The following SRGAP1 variants were observed in gnomAD, a reference collection of about 807,000 sequenced individuals.
The protein encoded by SRGAP1 is SLIT-ROBO Rho GTPase-activating protein 1.
Under a neutral mutation model 121.9 loss-of-function variants are expected in SRGAP1, and 43 were observed. That is an observed-to-expected ratio of 0.35 (90% confidence interval 0.28 to 0.46). The LOEUF is 0.46. SRGAP1 is among the 20% of genes least tolerant of loss of function. The pLI is 1.00. For missense variants in SRGAP1, 1,102 were observed against 1,350.9 expected (o/e 0.82, Z 2.89); for synonymous variants, 447 against 485.4 (o/e 0.92, Z 1.04).
chr12:63,920,818 A>G (rs1214583910), intron 1 of SRGAP1, among the ~76,000 whole-genome samples: 1 of 152,222 alleles, frequency 6.6e-6, no homozygotes, highest in African/African-American at 2.4e-5. Context: ...TTGGGAGTGA[A>G]TAACAGAGAA....
chr12:64,003,068 G>GAGGA (rs1430886159), intron 3 of SRGAP1, among the ~76,000 whole-genome samples: 1 of 127,150 alleles, frequency 7.9e-6, no homozygotes, highest in Non-Finnish European at 1.7e-5. Context: ...GAAAGAAAGG[G>GAGGA]AGGGAGGGAG....
At position 63,893,108 on chromosome 12, in the gene SRGAP1, ATAGT is replaced by A. The variant is rs199550758; in HGVS notation, c.67+48229_67+48232del. The stretch of plus-strand genomic sequence containing the variant: ...TACATGAATCCAATCTTTTGCTGCT[ATAGT>A]TAGACGGTGATTATGCTGTTTTTCC... On this transcript the variant is annotated intron_variant, in intron 1 of 21. Coordinates refer to ENST00000355086, the MANE Select transcript of SRGAP1 (RefSeq NM_020762.4). Among the ~76,000 whole-genome samples the A allele has an allele frequency of 3.9e-5, 6 of 152,336 alleles. No individual in the cohort carries two copies. In the East Asian group the frequency reaches 9.6e-4, roughly 24 times the overall value.
At chr12:63,893,862 A>T (rs1311625946) in intron 1 of SRGAP1, among the ~76,000 whole-genome samples, 1 of 152,246 alleles carries the variant, frequency 6.6e-6, no homozygotes, top group East Asian at 1.9e-4. Context: ...TTTTTGAGAC[A>T]GAGTCTTGCT....
intron 1 of SRGAP1, among the ~76,000 whole-genome samples, chr12:63,969,799 GAAAA>G (rs899811117): frequency 7.9e-6 from 1 of 127,382 alleles, no homozygotes; most frequent in South Asian, 2.5e-4. Flanking sequence ...GTCTCAAAAA[GAAAA>G]AAAAAAAAAC....
intron 8 of SRGAP1, among the ~76,000 whole-genome samples, chr12:64,072,627 G>C (rs925235382): frequency 3.3e-5 from 5 of 152,092 alleles, no homozygotes; most frequent in African/African-American, 1.2e-4. Flanking sequence ...AGAGAGGCCT[G>C]GAACAGATCC....
intron 1 of SRGAP1, among the ~76,000 whole-genome samples, chr12:63,953,371 A>G (rs1224119235): frequency 6.7e-6 from 1 of 149,736 alleles, no homozygotes; most frequent in Non-Finnish European, 1.5e-5. Flanking sequence ...TCTCTTTTGC[A>G]CAGGTCTTCA....
chr12:64,116,846 G>A (rs1160241043), intron 18 of SRGAP1, among the ~76,000 whole-genome samples: 1 of 152,186 alleles, frequency 6.6e-6, no homozygotes. Flanking sequence ...CCAGAGAAGG[G>A]GGCATGCCAT....
At chr12:64,101,905 T>G (rs2036260922) in intron 15 of SRGAP1, among the ~76,000 whole-genome samples, 1 of 152,186 alleles carries the variant, frequency 6.6e-6, no homozygotes, top group Non-Finnish European at 1.5e-5. Context: ...AAGGGAGAAT[T>G]TTTCTTCCTA....
chr12:64,061,756 C>A (rs1316310381), intron 6 of SRGAP1, among the ~76,000 whole-genome samples: 4 of 152,192 alleles, frequency 2.6e-5, no homozygotes, highest in Non-Finnish European at 4.4e-5. Flanking sequence ...ATAGATTTAT[C>A]TCTTCTGAAC....
At chr12:63,921,758 T>A (rs2031055834) in intron 1 of SRGAP1, among the ~76,000 whole-genome samples, 1 of 152,220 alleles carries the variant, frequency 6.6e-6, no homozygotes, top group Non-Finnish European at 1.5e-5. Flanking sequence ...AGAGAACATT[T>A]AATGAAGATT....
chr12:64,033,584 G>A (rs2034831212), intron 4 of SRGAP1, among the ~76,000 whole-genome samples: 1 of 152,104 alleles, frequency 6.6e-6, no homozygotes, highest in Admixed American at 6.6e-5. Context: ...CCAGCATGGT[G>A]GCGAATGCCT....
intron 21 of SRGAP1, among the ~76,000 whole-genome samples, chr12:64,140,715 G>A (rs1347448754): frequency 3.1e-5 from 4 of 127,942 alleles, no homozygotes; most frequent in Non-Finnish European, 4.9e-5. Context: ...TCAGTGTGGC[G>A]ATTCCTCAGG....
chr12:64,051,295 G>A (rs573510132), intron 6 of SRGAP1, among the ~76,000 whole-genome samples: 1 of 152,244 alleles, frequency 6.6e-6, no homozygotes, highest in South Asian at 2.1e-4. Flanking sequence ...CTGTCTTTGG[G>A]TGATGTGACT....
rs1187699730 is a variant in SRGAP1 at position 63,949,084 on chromosome 12, TTTC to T, written c.68-34862_68-34860del. Among the ~76,000 whole-genome samples, 103 of 73,192 alleles carry T rather than the reference TTTC, an allele frequency of 1.4e-3. 3 individuals carry two copies. Among genetic ancestry groups the T allele is most frequent in the African/African-American group, 3.8e-3 (96 of 25,244 alleles). The allele number at this position is 73,192 out of a possible 152,430, so 48.0% of individuals were successfully genotyped here. ...ATATATGTATTTTCCATATATGTAT[TTTC>T]CATATATGTATTTTCCATATATATA... On this transcript the variant is annotated intron_variant, in intron 1 of 21. Transcript: ENST00000355086.
At chr12:63,971,912 GGGTAATGAGGCTATTCTCT>G (rs1263203664) in intron 1 of SRGAP1, among the ~76,000 whole-genome samples, 1 of 152,190 alleles carries the variant, frequency 6.6e-6, no homozygotes, top group East Asian at 1.9e-4. Flanking sequence ...GAGGAAGCAT[GGGTAATGAGGCTATTCTCT>G]GGCTTCCTTT....
At chr12:63,960,415 C>T (rs181677172) in intron 1 of SRGAP1, among the ~76,000 whole-genome samples, 3 of 152,184 alleles carry the variant, frequency 2.0e-5, no homozygotes, top group Admixed American at 2.0e-4. Context: ...TTCCAAGGAG[C>T]TTCCTCATGG....
chr12:64,095,183 A>G lies in SRGAP1; in HGVS notation c.1657A>G (p.Ile553Val). The G allele has an allele frequency of 6.2e-7, 1 of 1,614,022 alleles. No homozygotes were observed. The highest frequency in any genetic ancestry group is 1.1e-5 in the South Asian group (1 of 91,070). The change falls in exon 14 of 22, where the codon ATT becomes GTT. Residue 553 changes from isoleucine (I) to valine (V), a missense_variant. Around this residue, in one of 3 missense-constraint regions of SRGAP1, gnomAD observed 747 missense variants for 929.4 expected, o/e 0.80. Transcript: ENST00000355086. ...TGGTTCCCAGGTGGAAGTCAATGAT[A>G]TTAAAAATTCATTTGAGAGAGGTAA... The part of the protein sequence containing the change: ...VSGSQVEVND[I>V]KNSFERGENP...
At chr12:64,044,297 AGAGACT>A (rs2035082395) in intron 6 of SRGAP1, among the ~76,000 whole-genome samples, 1 of 152,184 alleles carries the variant, frequency 6.6e-6, no homozygotes, top group South Asian at 2.1e-4. Context: ...TAACACTGTA[AGAGACT>A]GCAAAGATGA....
At chr12:63,922,523 A>C (rs1277448430) in intron 1 of SRGAP1, among the ~76,000 whole-genome samples, 1 of 152,226 alleles carries the variant, frequency 6.6e-6, no homozygotes, top group Admixed American at 6.5e-5. Flanking sequence ...TCAGACAGAC[A>C]AAGTCTTAGT....
Sources: gnomAD v4.1 joint callset for allele counts (sites outside exome capture counted in the v4.1 genomes callset) on GRCh38, gnomAD v4.1.1 for gene constraint, gnomAD v4.1.1 regional missense constraint, MANE v1.5 for transcripts, NCBI Gene and HGNC (gene_info 2026-07-23, HGNC 2026-07-21) for gene names.